The following ANO4 variants were observed in gnomAD, a reference collection of about 807,000 sequenced individuals.
The protein encoded by ANO4 is anoctamin 4, also known as anoctamin-4.
ANO4 carries 69 observed loss-of-function variants against 141.9 expected under a neutral mutation model. The ratio of observed to expected loss-of-function variants is 0.49; its 90% CI spans 0.40 to 0.59. The LOEUF is 0.59. Ranked by LOEUF, ANO4 falls within the 20% of genes least tolerant of loss-of-function variation. The pLI is 0.00. For synonymous variants in ANO4, 350 were observed against 394.3 expected (o/e 0.89, Z 1.33); for missense variants, 894 against 1,162.2 (o/e 0.77, Z 3.36).
chr12:100,855,739 T>C (rs894878727), intron 1 of ANO4, among the ~76,000 whole-genome samples: 1 of 152,200 alleles, frequency 6.6e-6, no homozygotes, highest in Non-Finnish European at 1.5e-5. Context: ...TGAATGGCTT[T>C]TCTCATTTTA....
At chr12:101,116,905 G>C (rs1229511348) in intron 25 of ANO4, 107 bp downstream of exon 25, 3 of 1,479,806 alleles carry the variant, frequency 2.0e-6, no homozygotes, top group Non-Finnish European at 2.8e-6. Context: ...AGCAGTGACT[G>C]TCAATCTCAA....
intron 5 of ANO4, among the ~76,000 whole-genome samples, chr12:100,949,565 TACA>T (rs1382891305): frequency 6.6e-6 from 1 of 152,232 alleles, no homozygotes; most frequent in Non-Finnish European, 1.5e-5. Flanking sequence ...AACGGCTAAA[TACA>T]ACGTGTTAAC....
chr12:101,026,823 C>T (rs1393796521), intron 9 of ANO4, among the ~76,000 whole-genome samples: 1 of 151,794 alleles, frequency 6.6e-6, no homozygotes, highest in Admixed American at 6.6e-5. Context: ...CTTGGGTTAA[C>T]CAAGGGTTTC....
At chr12:100,955,889 C>G (rs1345743260) in intron 5 of ANO4, among the ~76,000 whole-genome samples, 4 of 152,150 alleles carry the variant, frequency 2.6e-5, no homozygotes, top group Non-Finnish European at 4.4e-5. Flanking sequence ...GAATTGAGGC[C>G]TTAGGGCTCC....
intron 1 of ANO4, among the ~76,000 whole-genome samples, chr12:100,837,300 T>A (rs1329848103): frequency 6.6e-6 from 1 of 152,138 alleles, no homozygotes; most frequent in Non-Finnish European, 1.5e-5. Flanking sequence ...TGTTATAATA[T>A]CATTTTCGTT....
intron 3 of ANO4, among the ~76,000 whole-genome samples, chr12:100,740,518 T>C (rs1489914082): frequency 6.6e-6 from 1 of 152,212 alleles, no homozygotes; most frequent in East Asian, 1.9e-4. Flanking sequence ...ATATGTCATA[T>C]GGCTTTAATT....
intron 13 of ANO4, 54 bp from the exon 14 acceptor site, chr12:101,048,287 A>G (rs1760056693): frequency 3.2e-6 from 5 of 1,568,984 alleles, no homozygotes; most frequent in Non-Finnish European, 4.4e-6. Flanking sequence ...AAAAATTTGA[A>G]TTGGAATATC....
At chr12:101,060,807 A>G (rs539873220) in intron 14 of ANO4, among the ~76,000 whole-genome samples, 44 of 152,206 alleles carry the variant, frequency 2.9e-4, no homozygotes, top group African/African-American at 9.9e-4. Flanking sequence ...TACAGCACAC[A>G]GATGGGTGGT....
At chr12:100,988,544 TAAAAA>T (rs72390438) in intron 8 of ANO4, among the ~76,000 whole-genome samples, 5 of 133,594 alleles carry the variant, frequency 3.7e-5, no homozygotes, top group Non-Finnish European at 4.9e-5. Context: ...GTGATGGATT[TAAAAA>T]AAAAAAAAAA....
At chr12:100,793,660 A>AT (rs1266090181), upstream of ANO4, among the ~76,000 whole-genome samples, 4 of 152,178 alleles carry the variant, frequency 2.6e-5, no homozygotes, top group African/African-American at 9.6e-5. Flanking sequence ...TTCTGCAGTG[A>AT]TAAAAAGGTG....
chr12:100,862,407 C>A (rs997641692), intron 1 of ANO4, among the ~76,000 whole-genome samples: 1 of 152,056 alleles, frequency 6.6e-6, no homozygotes, highest in Non-Finnish European at 1.5e-5. Context: ...CTGCAATCTC[C>A]GCCTCCCAGG....
At chr12:101,042,617 T>A in intron 12 of ANO4, 149 bp downstream of exon 12, 1 of 1,088,552 alleles carries the variant, frequency 9.2e-7, no homozygotes, top group Non-Finnish European at 1.3e-6. Flanking sequence ...TTCAGTTCAC[T>A]AGGACCTCTC....
intron 1 of ANO4, among the ~76,000 whole-genome samples, chr12:100,853,521 T>C (rs1393292271): frequency 6.6e-6 from 1 of 152,126 alleles, no homozygotes; most frequent in African/African-American, 2.4e-5. Context: ...AGCTTTTGCT[T>C]CTGTTCTATT....
intron 14 of ANO4, among the ~76,000 whole-genome samples, chr12:101,048,983 C>A (rs555142329): frequency 6.6e-6 from 1 of 152,282 alleles, no homozygotes; most frequent in East Asian, 1.9e-4. Flanking sequence ...GTTATTTAAC[C>A]TACCTCTTTG....
intron 25 of ANO4, among the ~76,000 whole-genome samples, chr12:101,118,700 G>A (rs1264898920): frequency 1.3e-5 from 2 of 152,152 alleles, no homozygotes; most frequent in Non-Finnish European, 2.9e-5. Context: ...TGAGTGGACT[G>A]GAGCTTTCTT....
At chr12:101,120,427 C>G in intron 25 of ANO4, 93 bp from the exon 26 acceptor site, 1 of 1,064,174 alleles carries the variant, frequency 9.4e-7, no homozygotes, top group African/African-American at 1.6e-5. Flanking sequence ...AAATTTCCCT[C>G]CTATTGAATG....
chr12:100,849,333 G>C (rs1350398517), intron 1 of ANO4, among the ~76,000 whole-genome samples: 2 of 152,100 alleles, frequency 1.3e-5, no homozygotes, highest in African/African-American at 2.4e-5. Flanking sequence ...TTTTCATATA[G>C]GTAATACCAT....
At chr12:100,980,431 CT>C (rs2044407745) in intron 7 of ANO4, among the ~76,000 whole-genome samples, 1 of 152,110 alleles carries the variant, frequency 6.6e-6, no homozygotes, top group Non-Finnish European at 1.5e-5. Context: ...GTAGCCAGCT[CT>C]GATATTCTAA....
At chr12:100,755,897 A>G (rs939843152) in intron 3 of ANO4, among the ~76,000 whole-genome samples, 2 of 152,192 alleles carry the variant, frequency 1.3e-5, no homozygotes, top group African/African-American at 4.8e-5. Context: ...GTGACAGAGG[A>G]CGAGTCTTCC....
Sources: allele counts gnomAD v4.1 joint callset (sites outside exome capture counted in the v4.1 genomes callset), GRCh38; gene constraint gnomAD v4.1.1; transcripts MANE v1.5; gene names NCBI Gene and HGNC (gene_info 2026-07-23, HGNC 2026-07-21).